HIVEP3: variants seen among roughly 807,000 people sequenced by gnomAD.
HIVEP3 encodes HIVEP zinc finger 3, also known as transcription factor HIVEP3.
HIVEP3 carries 49 observed loss-of-function variants against 152.8 expected under a neutral mutation model. That is an observed-to-expected ratio of 0.32 (90% CI 0.26 to 0.41). HIVEP3 has a LOEUF of 0.41. HIVEP3 is among the 10% of genes least tolerant of loss of function. The probability of loss-of-function intolerance (pLI) is 1.00; values close to 1 mark genes in which losing one functional copy is unlikely to be tolerated. For synonymous variants in HIVEP3, 1,269 were observed against 1,289.0 expected (o/e 0.98, Z 0.33); for missense variants, 2,790 against 3,103.3 (o/e 0.90, Z 2.40).
chr1:41,677,455 G>T (rs1645974524), intron 2 of HIVEP3, among the ~76,000 whole-genome samples: 1 of 152,210 alleles, frequency 6.6e-6, no homozygotes, highest in African/African-American at 2.4e-5. Flanking sequence ...TAACTTCTCT[G>T]GGCTTATCTT....
At chr1:41,639,741 A>G (rs1451062310) in intron 2 of HIVEP3, among the ~76,000 whole-genome samples, 1 of 152,160 alleles carries the variant, frequency 6.6e-6, no homozygotes, top group Non-Finnish European at 1.5e-5. Context: ...ATGCTGTGAC[A>G]TGCAGCTGAC....
chr1:41,786,361 TCCTCTG>T (rs1649346115), intron 1 of HIVEP3, among the ~76,000 whole-genome samples: 5 of 152,134 alleles, frequency 3.3e-5, no homozygotes, highest in African/African-American at 1.2e-4. Flanking sequence ...TCTTACCCTA[TCCTCTG>T]CTCAGGGCCT....
At chr1:41,891,831 G>A (rs1420813128) in intron 1 of HIVEP3, among the ~76,000 whole-genome samples, 8 of 152,280 alleles carry the variant, frequency 5.3e-5, no homozygotes, top group Admixed American at 5.2e-4. Flanking sequence ...TTCTTCCCAT[G>A]TCCTGATTTC....
intron 2 of HIVEP3, among the ~76,000 whole-genome samples, chr1:41,696,277 A>C (rs1163530797): frequency 6.6e-6 from 1 of 152,234 alleles, no homozygotes; most frequent in Non-Finnish European, 1.5e-5. Context: ...CATCCAGAGA[A>C]GCAATCTCCC....
chr1:41,900,418 G>A (rs12070375), intron 1 of HIVEP3, among the ~76,000 whole-genome samples: 2,463 of 152,306 alleles, frequency 0.016, 68 homozygotes, highest in African/African-American at 0.057. Context: ...TCCCTTGGGG[G>A]TAGAGTATTT....
chr1:41,976,213 A>T (rs1645258292), intron 1 of HIVEP3, among the ~76,000 whole-genome samples: 1 of 152,232 alleles, frequency 6.6e-6, no homozygotes, highest in Non-Finnish European at 1.5e-5. Context: ...CGTACCTTTC[A>T]TCTGAGGATC....
intron 1 of HIVEP3, among the ~76,000 whole-genome samples, chr1:41,701,808 C>A (rs1646367286): frequency 6.6e-6 from 1 of 152,188 alleles, no homozygotes; most frequent in African/African-American, 2.4e-5. Context: ...TCATTTGAGA[C>A]ATATTATTTA....
chr1:41,763,268 A>G (rs1647807509), intron 1 of HIVEP3, among the ~76,000 whole-genome samples: 2 of 152,196 alleles, frequency 1.3e-5, no homozygotes, highest in South Asian at 4.1e-4. Context: ...TGCTGAGGAC[A>G]TGGGCTGGCA....
chr1:41,559,852 G>A (rs572710188), intron 5 of HIVEP3, among the ~76,000 whole-genome samples: 3 of 152,328 alleles, frequency 2.0e-5, no homozygotes, highest in South Asian at 2.1e-4. Context: ...TATGTGCCAC[G>A]TACCGTGAGT....
At position 41,662,973 on chromosome 1, in the gene HIVEP3, G is replaced by A. The variant is rs1645741842; in HGVS notation, c.-720-34026C>T. Among the ~76,000 whole-genome samples, 3 of 151,532 alleles carry A rather than the reference G, an allele frequency of 2.0e-5. No individual in the cohort carries two copies. Among genetic ancestry groups the A allele is most frequent in the Admixed American group, 2.0e-4 (3 of 15,268 alleles). On this transcript the variant is annotated intron_variant, in intron 2 of 8. Coordinates refer to ENST00000372583, the MANE Select transcript of HIVEP3 (RefSeq NM_024503.5). The surrounding 1 kb of genome is among the most constrained non-coding windows in gnomAD (Gnocchi z 7.2). ...CTCTGGGCGGGGCGGGCCTGCCAGG[G>A]CCTCCCTGGGCTCAGGCCTGGGGTG... is the stretch of plus-strand genomic sequence containing the variant.
intron 2 of HIVEP3, among the ~76,000 whole-genome samples, chr1:41,689,935 C>A (rs1249825115): frequency 2.0e-5 from 3 of 152,252 alleles, no homozygotes; most frequent in Non-Finnish European, 2.9e-5. Context: ...GGCTTCTAGC[C>A]AGACAGCTCA....
At chr1:41,770,624 C>T (rs1648293258) in intron 1 of HIVEP3, among the ~76,000 whole-genome samples, 1 of 152,180 alleles carries the variant, frequency 6.6e-6, no homozygotes, top group Non-Finnish European at 1.5e-5. Context: ...AAGTCCATAA[C>T]CTCAGTCTGC....
At chr1:41,621,390 A>G (rs1332022242) in intron 3 of HIVEP3, among the ~76,000 whole-genome samples, 1 of 152,212 alleles carries the variant, frequency 6.6e-6, no homozygotes, top group African/African-American at 2.4e-5. Context: ...CATTGATGAA[A>G]ACTTCGCCCT....
chr1:41,564,686 C>T (rs926614255), intron 5 of HIVEP3, among the ~76,000 whole-genome samples: 2 of 152,184 alleles, frequency 1.3e-5, no homozygotes, highest in Non-Finnish European at 2.9e-5. Context: ...TTTCAATCTA[C>T]TGCAAAATAG....
chr1:41,521,379 T>C (rs1386310825), intron 6 of HIVEP3, among the ~76,000 whole-genome samples: 1 of 152,194 alleles, frequency 6.6e-6, no homozygotes, highest in African/African-American at 2.4e-5. Flanking sequence ...GAGCCCCCCA[T>C]AGGCCTCCCT....
chr1:41,996,174 A>G (rs866824292), intron 1 of HIVEP3, among the ~76,000 whole-genome samples: 3 of 152,114 alleles, frequency 2.0e-5, no homozygotes, highest in South Asian at 4.2e-4. Flanking sequence ...GAGAGGATCA[A>G]TTGAGGCCAG....
chr1:41,601,241 G>C (rs1231138351), intron 3 of HIVEP3, among the ~76,000 whole-genome samples: 1 of 152,080 alleles, frequency 6.6e-6, no homozygotes, highest in Admixed American at 6.5e-5. Flanking sequence ...TGTGTTTTTT[G>C]TGGTTCCATA....
intron 2 of HIVEP3, among the ~76,000 whole-genome samples, chr1:41,646,163 G>A (rs1645455779): frequency 6.6e-6 from 1 of 152,140 alleles, no homozygotes; most frequent in South Asian, 2.1e-4. Flanking sequence ...CTCTGGGAGA[G>A]AAAAATAACA....
chr1:41,658,993 C>G (rs963181186), intron 2 of HIVEP3, among the ~76,000 whole-genome samples: 1 of 152,136 alleles, frequency 6.6e-6, no homozygotes, highest in African/African-American at 2.4e-5. Context: ...GAGGGCAGCC[C>G]CGCCCCACAA....
Sources: gnomAD v4.1 joint callset for allele counts (sites outside exome capture counted in the v4.1 genomes callset) on GRCh38, gnomAD v4.1.1 for gene constraint, Gnocchi (gnomAD v3.1) non-coding constraint, MANE v1.5 for transcripts, NCBI Gene and HGNC (gene_info 2026-07-23, HGNC 2026-07-21) for gene names.